The following RBFOX1 variants were observed in gnomAD, a reference collection of about 807,000 sequenced individuals.
RBFOX1 encodes the protein RNA binding protein fox-1 homolog 1.
Under a neutral mutation model 57.7 loss-of-function variants are expected in RBFOX1, and 8 were observed. The observed-to-expected ratio is 0.14, with a 90% CI of 0.08 to 0.25. The LOEUF (loss-of-function observed/expected upper bound fraction) is 0.25. Ranked by LOEUF, RBFOX1 falls within the 10% of genes least tolerant of loss-of-function variation. The pLI, the probability that RBFOX1 is intolerant of heterozygous loss-of-function variation, is 1.00. For missense variants in RBFOX1, 611 were observed against 548.5 expected, an observed-to-expected ratio of 1.11 and a Z score of -1.14; for synonymous variants, 326 against 222.4, an observed-to-expected ratio of 1.47 and a Z score of -4.15.
rs114163023 is a variant in RBFOX1, at chr16:5,421,850, C to T, written c.220-45366C>T. On this transcript the variant is annotated intron_variant, in intron 1 of 2. Coordinates refer to the RBFOX1 transcript ENST00000585867. ...CCGTTGTTGGGTGAGCAAATCCAGA[C>T]GGCACCGGCACACGTGAAGGCATGC... Among the ~76,000 whole-genome samples, 1,447 of 152,158 alleles carry T rather than the reference C, an allele frequency of 9.5e-3. 26 individuals carry two copies. The highest frequency in any genetic ancestry group is 0.033 in the African/African-American group (1,374 of 41,486).
intron 4 of RBFOX1, among the ~76,000 whole-genome samples, chr16:7,342,486 C>T (rs12325145): frequency 1.9e-3 from 294 of 152,372 alleles, no homozygotes; most frequent in African/African-American, 6.8e-3. Flanking sequence ...ACCAACGCCA[C>T]AACTGATTGC....
At chr16:5,430,758 A>G (rs1174842335) in intron 1 of RBFOX1, among the ~76,000 whole-genome samples, 1 of 152,216 alleles carries the variant, frequency 6.6e-6, no homozygotes, top group Non-Finnish European at 1.5e-5. Context: ...GTAGTAATAT[A>G]AGTATTTTGC....
At chr16:6,484,929 TC>T (rs1364863988) in intron 2 of RBFOX1, among the ~76,000 whole-genome samples, 1 of 152,136 alleles carries the variant, frequency 6.6e-6, no homozygotes, top group Admixed American at 6.5e-5. Context: ...TGTAATCCTC[TC>T]TTTAGTAGGG....
chr16:7,293,898 C>T (rs2095842107), intron 4 of RBFOX1, among the ~76,000 whole-genome samples: 1 of 152,058 alleles, frequency 6.6e-6, no homozygotes, highest in South Asian at 2.1e-4. Context: ...GGATGAGACC[C>T]TGGGAAGGTC....
chr16:7,466,581 T>C (rs2060566356), intron 4 of RBFOX1, among the ~76,000 whole-genome samples: 1 of 152,162 alleles, frequency 6.6e-6, no homozygotes, highest in Non-Finnish European at 1.5e-5. Flanking sequence ...GCTCGGAATA[T>C]TCAGGAAATG....
At chr16:6,053,419 GGA>G (rs1013160325) in intron 1 of RBFOX1, among the ~76,000 whole-genome samples, 2 of 152,176 alleles carry the variant, frequency 1.3e-5, no homozygotes, top group Non-Finnish European at 2.9e-5. Context: ...TGTTCTAGGA[GGA>G]GAGAGAGTGA....
chr16:7,361,719 G>A (rs1435026942), intron 4 of RBFOX1, among the ~76,000 whole-genome samples: 3 of 152,176 alleles, frequency 2.0e-5, no homozygotes, highest in Non-Finnish European at 4.4e-5. Context: ...GATGCTTGAG[G>A]CATGCTGGTG....
chr16:6,934,852 G>T (rs543691617), intron 3 of RBFOX1, among the ~76,000 whole-genome samples: 4 of 152,102 alleles, frequency 2.6e-5, no homozygotes, highest in Admixed American at 6.5e-5. Context: ...TTGGAAGGCC[G>T]AGGCTGGCAG....
intron 1 of RBFOX1, among the ~76,000 whole-genome samples, chr16:5,349,118 A>T (rs2065206163): frequency 6.6e-6 from 1 of 152,228 alleles, no homozygotes; most frequent in Admixed American, 6.5e-5. Context: ...TTAAAAAAGA[A>T]AGAAATCCCG....
At chr16:6,996,848 G>T (rs995739488) in intron 3 of RBFOX1, among the ~76,000 whole-genome samples, 1 of 152,100 alleles carries the variant, frequency 6.6e-6, no homozygotes, top group African/African-American at 2.4e-5. Context: ...TGCTGAATGG[G>T]ACACAGAGGC....
At chr16:6,682,866 G>C (rs199787894) in intron 3 of RBFOX1, among the ~76,000 whole-genome samples, 1 of 65,982 alleles carries the variant, frequency 1.5e-5, no homozygotes, top group African/African-American at 6.6e-5. Context: ...AAAAAGAAAA[G>C]AATTAAAAAA....
intron 3 of RBFOX1, among the ~76,000 whole-genome samples, chr16:5,735,547 C>T (rs2052540533): frequency 6.6e-6 from 1 of 152,202 alleles, no homozygotes; most frequent in Non-Finnish European, 1.5e-5. Flanking sequence ...ATCACTGAGG[C>T]ATGTGGGTGT....
chr16:6,331,372 G>A (rs372995116), intron 2 of RBFOX1, among the ~76,000 whole-genome samples: 7 of 152,112 alleles, frequency 4.6e-5, no homozygotes, highest in South Asian at 4.2e-4. Context: ...ATTTGAGCCC[G>A]GGAGGTGGAG....
At chr16:5,456,976 G>A (rs759504090) in intron 1 of RBFOX1, among the ~76,000 whole-genome samples, 7 of 152,094 alleles carry the variant, frequency 4.6e-5, no homozygotes, top group Non-Finnish European at 8.8e-5. Flanking sequence ...GGGTGAAGTG[G>A]CTTAAACAAT....
intron 4 of RBFOX1, among the ~76,000 whole-genome samples, chr16:7,252,356 C>A (rs1001983677): frequency 6.6e-6 from 1 of 152,222 alleles, no homozygotes; most frequent in African/African-American, 2.4e-5. Context: ...CCACTCTGTG[C>A]TTGCTCATTA....
intron 2 of RBFOX1, among the ~76,000 whole-genome samples, chr16:6,653,412 A>G (rs1156745215): frequency 1.3e-5 from 2 of 152,202 alleles, no homozygotes; most frequent in East Asian, 3.9e-4. Context: ...TCTAGCAGCC[A>G]AGAGTTGCTA....
chr16:6,435,808 T>C (rs1212426372), intron 2 of RBFOX1, among the ~76,000 whole-genome samples: 1 of 152,180 alleles, frequency 6.6e-6, no homozygotes, highest in Admixed American at 6.5e-5. Flanking sequence ...TAGGAGCTGG[T>C]GCCTATGTGG....
In RBFOX1 at chr16:6,191,580, G is replaced by A. The variant is rs547460403; in HGVS notation, c.-126-125415G>A. ...ATTGGAGAGAAAAAAAGTTAGCACCGTATAGAGAAATATATAGTTGCTAGA... is the reference window on the plus strand; with the variant it reads ...ATTGGAGAGAAAAAAAGTTAGCACCATATAGAGAAATATATAGTTGCTAGA... On this transcript the variant is annotated intron_variant, in intron 1 of 15. Coordinates refer to ENST00000550418, the MANE Select transcript of RBFOX1 (RefSeq NM_018723.4). Among the ~76,000 whole-genome samples, 114 of 152,214 alleles carry A rather than the reference G, an allele frequency of 7.5e-4. No homozygotes were observed. In the Middle Eastern group the frequency reaches 0.01, roughly 14 times the overall value.
At chr16:6,943,504 T>C (rs959317634) in intron 3 of RBFOX1, among the ~76,000 whole-genome samples, 1 of 152,008 alleles carries the variant, frequency 6.6e-6, no homozygotes, top group African/African-American at 2.4e-5. Context: ...GTCAGGAGAT[T>C]GAGACCATCC....
Sources: gnomAD v4.1 joint callset for allele counts (sites outside exome capture counted in the v4.1 genomes callset) on GRCh38, gnomAD v4.1.1 for gene constraint, MANE v1.5 for transcripts, NCBI Gene and HGNC (gene_info 2026-07-23, HGNC 2026-07-21) for gene names.